ALX4: variants seen among roughly 807,000 people sequenced by gnomAD.
The protein encoded by ALX4 is ALX homeobox 4, also known as homeobox protein aristaless-like 4.
In ALX4, 22 loss-of-function variants were observed where a neutral mutation model predicts 40.6. The observed-to-expected ratio is 0.54, with a 90% CI of 0.39 to 0.77. The LOEUF (loss-of-function observed/expected upper bound fraction) is 0.77. Ranked by LOEUF, ALX4 falls within the 30% of genes least tolerant of loss-of-function variation. The pLI is 0.00. For synonymous variants in ALX4, 266 were observed against 240.5 expected (o/e 1.11, Z -0.98); for missense variants, 556 against 564.8 (o/e 0.98, Z 0.16).
intron 1 of ALX4, among the ~76,000 whole-genome samples, chr11:44,289,563 G>A (rs897774374): frequency 6.6e-6 from 1 of 152,196 alleles, no homozygotes; most frequent in African/African-American, 2.4e-5. Flanking sequence ...TGCCTTTCAA[G>A]GTGGTGATGA....
chr11:44,275,311 G>T, intron 2 of ALX4, 37 bp downstream of exon 2: 1 of 1,611,578 alleles, frequency 6.2e-7, no homozygotes, highest in Non-Finnish European at 8.5e-7. Context: ...GACAGGCTCT[G>T]CTTTACCAGC....
chr11:44,309,190 G>GCAGCCCCGCAGCCCCA (rs1956489256), intron 1 of ALX4, among the ~76,000 whole-genome samples: 8 of 147,160 alleles, frequency 5.4e-5, no homozygotes, highest in African/African-American at 2.1e-4. Flanking sequence ...TCGCAGCCCC[G>GCAGCCCCGCAGCCCCA]CAGCCCCGCA....
chr11:44,309,320 A>C (rs1272389284), intron 1 of ALX4, among the ~76,000 whole-genome samples: 1 of 152,204 alleles, frequency 6.6e-6, no homozygotes, highest in Non-Finnish European at 1.5e-5. Flanking sequence ...CGGGCAGCGC[A>C]AAGCGAGCGG....
intron 1 of ALX4, among the ~76,000 whole-genome samples, chr11:44,295,368 CA>C (rs1359912998): frequency 1.3e-5 from 2 of 152,214 alleles, no homozygotes; most frequent in Admixed American, 6.5e-5. Flanking sequence ...GCCTGTGTAG[CA>C]CAATTGTGGA....
At chr11:44,292,408 C>T (rs1181599384) in intron 1 of ALX4, among the ~76,000 whole-genome samples, 14 of 122,356 alleles carry the variant, frequency 1.1e-4, no homozygotes, top group Middle Eastern at 6.8e-3. Flanking sequence ...TTTGTAGAGA[C>T]GAGGTGTCAC....
At chr11:44,289,971 C>G (rs1956360165) in intron 1 of ALX4, among the ~76,000 whole-genome samples, 1 of 152,182 alleles carries the variant, frequency 6.6e-6, no homozygotes, top group South Asian at 2.1e-4. Context: ...GTTCAGAGAC[C>G]CCACTGGACC....
chr11:44,265,498 G>T (rs11037921), intron 3 of ALX4, among the ~76,000 whole-genome samples: 47,324 of 151,930 alleles, frequency 0.31, 7,464 homozygotes, highest in East Asian at 0.38. Context: ...AGACTCAACT[G>T]TAGACTTGGC....
At chr11:44,306,782 A>T (rs747122115) in intron 1 of ALX4, among the ~76,000 whole-genome samples, 2 of 152,068 alleles carry the variant, frequency 1.3e-5, no homozygotes, top group African/African-American at 2.4e-5. Context: ...CAGGGTAGGG[A>T]TCCCACTCCA....
intron 1 of ALX4, among the ~76,000 whole-genome samples, chr11:44,294,308 GA>G (rs1239574751): frequency 3.9e-5 from 6 of 152,246 alleles, no homozygotes; most frequent in African/African-American, 1.2e-4. Flanking sequence ...TGGGGCCCAG[GA>G]AGGGTGCAGA....
intron 2 of ALX4, among the ~76,000 whole-genome samples, chr11:44,273,190 TAA>T (rs35856858): frequency 0.38 from 52,905 of 137,712 alleles, 10,027 homozygotes; most frequent in South Asian, 0.53. Flanking sequence ...CTTTGCTGAT[TAA>T]AAAAAAAAAA....
chr11:44,267,239 T>G (rs1956218368), intron 3 of ALX4, among the ~76,000 whole-genome samples: 1 of 152,168 alleles, frequency 6.6e-6, no homozygotes, highest in Non-Finnish European at 1.5e-5. Context: ...CCAAAGCTAG[T>G]GGAGGAAAGA....
chr11:44,303,171 C>G (rs1956444752), intron 1 of ALX4, among the ~76,000 whole-genome samples: 1 of 152,190 alleles, frequency 6.6e-6, no homozygotes, highest in African/African-American at 2.4e-5. Flanking sequence ...TTGTTCTGCT[C>G]TGACCTGGGT....
chr11:44,281,134 C>A (rs1262234379), intron 1 of ALX4, among the ~76,000 whole-genome samples: 1 of 149,510 alleles, frequency 6.7e-6, no homozygotes, highest in Non-Finnish European at 1.5e-5. Context: ...TTTTTTTTGG[C>A]CGTGATTTAA....
At chr11:44,290,891 C>T (rs1413255359) in intron 1 of ALX4, among the ~76,000 whole-genome samples, 1 of 152,148 alleles carries the variant, frequency 6.6e-6, no homozygotes, top group African/African-American at 2.4e-5. Flanking sequence ...ACACACGGCA[C>T]CCACTCTATC....
intron 1 of ALX4, among the ~76,000 whole-genome samples, chr11:44,309,136 G>A (rs1315505765): frequency 1.1e-5 from 1 of 94,494 alleles, no homozygotes; most frequent in Non-Finnish European, 2.6e-5. Flanking sequence ...GAGGAGCGAG[G>A]CTTCTGCAGT....
chr11:44,264,826 G>A lies in ALX4; in HGVS notation c.*28C>T, dbSNP rs559981237. ...ACATGGGCGTGGCCCATGGTGTCCC[G>A]AGGTGGGGACGGGGCAGGGGTGCCC... On this transcript the variant is annotated 3_prime_UTR_variant, in exon 4 of 4. Transcript: ENST00000652299. The A allele has an allele frequency of 1.1e-5, 18 of 1,609,668 alleles. No homozygotes were observed. In the African/African-American group the frequency reaches 1.2e-4, roughly 11 times the overall value.
At chr11:44,278,650 G>A (rs1956291716) in intron 1 of ALX4, among the ~76,000 whole-genome samples, 1 of 152,186 alleles carries the variant, frequency 6.6e-6, no homozygotes, top group Non-Finnish European at 1.5e-5. Context: ...GGTGGCACAG[G>A]GTGTGCGAAG....
intron 1 of ALX4, among the ~76,000 whole-genome samples, chr11:44,309,163 C>CCCGCAGCG (rs1956488280): frequency 8.3e-6 from 1 of 120,338 alleles, no homozygotes; most frequent in Non-Finnish European, 1.8e-5. Flanking sequence ...GTCCCGCAGC[C>CCCGCAGCG]CCGCAGCCCC....
intron 1 of ALX4, among the ~76,000 whole-genome samples, chr11:44,296,160 T>C (rs1956401403): frequency 6.6e-6 from 1 of 152,140 alleles, no homozygotes; most frequent in Non-Finnish European, 1.5e-5. Flanking sequence ...AACTCTCAAA[T>C]ACATGCGCAA....
Sources: allele counts gnomAD v4.1 joint callset (sites outside exome capture counted in the v4.1 genomes callset), GRCh38; gene constraint gnomAD v4.1.1; transcripts MANE v1.5; gene names NCBI Gene and HGNC (gene_info 2026-07-23, HGNC 2026-07-21).